Variants in RCAN1 observed in about 807,000 individuals in gnomAD.
RCAN1 encodes regulator of calcineurin 1, also known as calcipressin-1.
RCAN1 carries 11 observed loss-of-function variants against 22.9 expected under a neutral mutation model. That is an observed-to-expected ratio of 0.48 (90% CI 0.30 to 0.79). RCAN1 has a LOEUF of 0.79. Ranked by LOEUF, RCAN1 falls within the 30% of genes least tolerant of loss-of-function variation. The probability of loss-of-function intolerance (pLI) is 0.06; values close to 1 mark genes in which losing one functional copy is unlikely to be tolerated. For missense variants in RCAN1, 291 were observed against 337.8 expected (o/e 0.86, Z 1.09); for synonymous variants, 136 against 142.3 (o/e 0.96, Z 0.32).
chr21:34,531,408 C>T (rs189270363), intron 1 of RCAN1, among the ~76,000 whole-genome samples: 139 of 152,260 alleles, frequency 9.1e-4, no homozygotes, highest in Middle Eastern at 3.4e-3. Context: ...GGATGTCCTC[C>T]TATGTGCCCT....
intron 1 of RCAN1, among the ~76,000 whole-genome samples, chr21:34,546,422 G>A (rs1413998631): frequency 2.0e-5 from 3 of 149,458 alleles, no homozygotes; most frequent in East Asian, 2.0e-4. Flanking sequence ...TGTTTCAAAC[G>A]AATAGGCTCT....
chr21:34,590,975 G>A (rs1003468817), intron 1 of RCAN1, among the ~76,000 whole-genome samples: 5 of 152,160 alleles, frequency 3.3e-5, no homozygotes, highest in African/African-American at 4.8e-5. Flanking sequence ...GTTTGCTTAT[G>A]GAATAAAAGC....
chr21:34,568,180 T>C (rs1987101142), intron 1 of RCAN1, among the ~76,000 whole-genome samples: 1 of 152,228 alleles, frequency 6.6e-6, no homozygotes, highest in South Asian at 2.1e-4. Flanking sequence ...CATTCAGCAC[T>C]GCAGCTGCCT....
intron 1 of RCAN1, among the ~76,000 whole-genome samples, chr21:34,609,175 A>G (rs1417121884): frequency 1.3e-5 from 2 of 152,356 alleles, no homozygotes; most frequent in East Asian, 3.9e-4. Context: ...TTTCCCAAGA[A>G]GAGACATTTT....
rs1025107723 is a variant in RCAN1, at chr21:34,599,030, G to A, written c.252+15730C>T. On this transcript the variant is annotated intron_variant, in intron 1 of 3. Coordinates refer to ENST00000313806, the MANE Select transcript of RCAN1 (RefSeq NM_004414.7). ...GTACTGGTGAGAATGTGGGCAGAGA[G>A]GAACTCATGCGATGCTGGGGGTAAT... Among the ~76,000 whole-genome samples, 5 of 152,264 alleles carry A rather than the reference G, an allele frequency of 3.3e-5. No individual in the cohort carries two copies. In the Middle Eastern group the frequency reaches 0.01, roughly 311 times the overall value.
intron 1 of RCAN1, among the ~76,000 whole-genome samples, chr21:34,532,879 C>T (rs576690211): frequency 1.3e-5 from 2 of 152,272 alleles, no homozygotes; most frequent in East Asian, 1.9e-4. Flanking sequence ...AATTCCAACC[C>T]CCCACTGCCC....
chr21:34,562,471 G>C (rs1439698759), intron 1 of RCAN1, among the ~76,000 whole-genome samples: 3 of 152,202 alleles, frequency 2.0e-5, no homozygotes, highest in Non-Finnish European at 4.4e-5. Flanking sequence ...CCCAAGGAGT[G>C]ATGTGGGAGA....
chr21:34,535,764 G>A lies in RCAN1; in HGVS notation c.253-12054C>T, dbSNP rs78730216. 8.6e-3 allele frequency among the ~76,000 whole-genome samples: 1,311 copies of A among 152,094 alleles called. 39 individuals are homozygous for A. The East Asian group carries it at 0.1, about 12-fold the overall frequency. Reference sequence around the variant, plus strand: ...ATCTGAGTGGCTGATTTATGCCAGTGACCAAAATGATGGCTGCAATTATGC... The same window carrying A: ...ATCTGAGTGGCTGATTTATGCCAGTAACCAAAATGATGGCTGCAATTATGC... On this transcript the variant is annotated intron_variant, in intron 1 of 3. Coordinates refer to ENST00000313806, the MANE Select transcript of RCAN1 (RefSeq NM_004414.7).
chr21:34,532,770 G>C (rs752226420), intron 1 of RCAN1, among the ~76,000 whole-genome samples: 49 of 152,142 alleles, frequency 3.2e-4, no homozygotes, highest in Non-Finnish European at 5.6e-4. Flanking sequence ...TATGATTGTA[G>C]ATACTCTAGA....
chr21:34,531,904 G>A (rs370818055), intron 1 of RCAN1, among the ~76,000 whole-genome samples: 8 of 151,854 alleles, frequency 5.3e-5, no homozygotes, highest in East Asian at 3.9e-4. Flanking sequence ...ATGACCCCCC[G>A]TGTTAAAAAA....
At position 34,523,595 on chromosome 21, in the gene RCAN1, C is replaced by T. The variant is rs377673728; in HGVS notation, c.368G>A (p.Arg123Lys). ...AAACTCAGTCTTATGCAGCTGGAGCCTGGCATCTGCTGCGGAGAAGGGGTT... is the reference window on the plus strand; with the variant it reads ...AAACTCAGTCTTATGCAGCTGGAGCTTGGCATCTGCTGCGGAGAAGGGGTT... ...FSNPFSAADA[R>K]LQLHKTEFLG... Residue 123 changes from arginine to lysine, a missense_variant, in exon 2 of 4, where the codon AGG becomes AAG. Coordinates refer to ENST00000313806, the MANE Select transcript of RCAN1 (RefSeq NM_004414.7). 8.5e-5 allele frequency: 138 copies of T among 1,614,082 alleles called. No individual in the cohort carries two copies. Among genetic ancestry groups the T allele is most frequent in the Middle Eastern group, 4.9e-4 (3 of 6,084 alleles).
chr21:34,523,256 G>A (rs1015752206), intron 2 of RCAN1: 9 of 385,830 alleles, frequency 2.3e-5, no homozygotes, highest in African/African-American at 8.2e-5. Flanking sequence ...CGCCTACCCC[G>A]CTGCACCCTG....
At chr21:34,606,065 G>C (rs962091227) in intron 1 of RCAN1, among the ~76,000 whole-genome samples, 3 of 152,122 alleles carry the variant, frequency 2.0e-5, no homozygotes, top group African/African-American at 4.8e-5. Flanking sequence ...TATAGAATGG[G>C]GATGATAACA....
At chr21:34,541,515 C>T (rs1448447540) in intron 1 of RCAN1, among the ~76,000 whole-genome samples, 3 of 152,218 alleles carry the variant, frequency 2.0e-5, no homozygotes, top group Non-Finnish European at 4.4e-5. Context: ...ATATACTTTA[C>T]TCATTTTGAA....
At chr21:34,565,246 T>C (rs772630175) in intron 1 of RCAN1, among the ~76,000 whole-genome samples, 1 of 152,254 alleles carries the variant, frequency 6.6e-6, no homozygotes, top group Non-Finnish European at 1.5e-5. Flanking sequence ...CTCTTTTTGT[T>C]CCACTTCATT....
chr21:34,582,447 G>C (rs1488311191), intron 1 of RCAN1, among the ~76,000 whole-genome samples: 1 of 152,124 alleles, frequency 6.6e-6, no homozygotes, highest in African/African-American at 2.4e-5. Flanking sequence ...TCTGGGCAGC[G>C]ACCTGGGAGG....
intron 1 of RCAN1, among the ~76,000 whole-genome samples, chr21:34,569,398 C>T (rs1987154739): frequency 6.6e-6 from 1 of 152,142 alleles, no homozygotes. Flanking sequence ...CAAATAAGAG[C>T]TTTTTTCTTT....
At chr21:34,601,490 A>G (rs1376825778) in intron 1 of RCAN1, among the ~76,000 whole-genome samples, 2 of 152,212 alleles carry the variant, frequency 1.3e-5, no homozygotes, top group Admixed American at 6.5e-5. Flanking sequence ...TAACAAGAAC[A>G]ACTCTAAACT....
chr21:34,610,606 G>A lies in RCAN1; in HGVS notation c.252+4154C>T, dbSNP rs188217921. On this transcript the variant is annotated intron_variant, in intron 1 of 3. Coordinates refer to ENST00000313806, the MANE Select transcript of RCAN1 (RefSeq NM_004414.7). ...GATGCCTCTGGTCAGGCCAAACCCC[G>A]GCTTCAGACAATGGTTCCCAACCTC... is the stretch of plus-strand genomic sequence containing the variant. Among the ~76,000 whole-genome samples the A allele has an allele frequency of 1.9e-3, 282 of 152,260 alleles. 4 individuals carry two copies. Among genetic ancestry groups the A allele is most frequent in the Admixed American group, 0.016 (239 of 15,302 alleles).
Sources: allele counts gnomAD v4.1 joint callset (sites outside exome capture counted in the v4.1 genomes callset), GRCh38; gene constraint gnomAD v4.1.1; transcripts MANE v1.5; gene names NCBI Gene and HGNC (gene_info 2026-07-23, HGNC 2026-07-21).